Variants in CELF2 observed in about 807,000 individuals in gnomAD.
CELF2 encodes the protein CUGBP Elav-like family member 2, also known as CUG triplet repeat RNA-binding protein 2.
A neutral mutation model predicts 62.6 loss-of-function variants in CELF2; 8 were observed. That is an observed-to-expected ratio of 0.13 (90% confidence interval 0.07 to 0.23). The LOEUF (loss-of-function observed/expected upper bound fraction) is 0.23. Among genes scored for constraint, CELF2 ranks in the 10% least tolerant of loss-of-function variants. CELF2 has a pLI of 1.00. For synonymous variants in CELF2, 258 were observed against 250.0 expected, an observed-to-expected ratio of 1.03 and a Z score of -0.30; for missense variants, 333 against 671.0, an observed-to-expected ratio of 0.50 and a Z score of 5.56.
the CELF2 span, among the ~76,000 whole-genome samples, chr10:10,531,589 A>C: frequency 6.6e-6 from 1 of 152,056 alleles, no homozygotes; most frequent in African/African-American, 2.4e-5. Context: ...TCCCACACTG[A>C]GCCGCTCTAC....
At chr10:10,636,511 A>G in the CELF2 span, among the ~76,000 whole-genome samples, 1 of 152,318 alleles carries the variant, frequency 6.6e-6, no homozygotes, top group South Asian at 2.1e-4. Context: ...GAGCTACATC[A>G]CAATAATTGT....
chr10:10,704,521 A>G, the CELF2 span, among the ~76,000 whole-genome samples: 1 of 152,232 alleles, frequency 6.6e-6, no homozygotes, highest in Admixed American at 6.5e-5. Flanking sequence ...GAAATAGTGA[A>G]CAATAATATA....
Position 11,318,583 on chromosome 10 carries a change from T to TCTCG in CELF2, c.1097-2606_1097-2605insCTCG. On this transcript the variant is annotated intron_variant, in intron 10 of 12. Transcript: ENST00000633077. This position sits in a 1 kb window ranked among gnomAD's most constrained non-coding sequence, Gnocchi z 5.4. ...GTGAAGTGGAGCCAGGAGAGAAGGA[T>TCTCG]GTGGCTGGAATGTCACTGGCTGGAG... 8.1e-6 allele frequency: 3 copies of TCTCG among 371,418 alleles called. No homozygotes were observed. Among genetic ancestry groups the TCTCG allele is most frequent in the East Asian group, 7.4e-5 (1 of 13,580 alleles). 23.0% of individuals were successfully genotyped at this position (371,418 alleles called of 1,614,324 possible). A position where few individuals can be genotyped will look rare whatever the true frequency, so the allele number is the denominator to read the frequency against.
At position 11,247,787 on chromosome 10, in the gene CELF2, G is replaced by A. The variant is rs1391212271; in HGVS notation, c.355-1366G>A. 6.6e-6 allele frequency among the ~76,000 whole-genome samples: 1 copy of A among 152,160 alleles called. No homozygotes were observed. Among genetic ancestry groups the A allele is most frequent in the East Asian group, 1.9e-4 (1 of 5,200 alleles). ...CAAAGACTCTGCCCATCTCCCCCAGGCATGTTGCTGGTCCTTCTCTCCATT... is the reference window on the plus strand; with the variant it reads ...CAAAGACTCTGCCCATCTCCCCCAGACATGTTGCTGGTCCTTCTCTCCATT... On this transcript the variant is annotated intron_variant, in intron 3 of 12. Transcript: ENST00000633077. This position sits in a 1 kb window ranked among gnomAD's most constrained non-coding sequence, Gnocchi z 5.4.
At chr10:10,795,589 A>G (rs750123110), upstream of CELF2, among the ~76,000 whole-genome samples, 2 of 152,162 alleles carry the variant, frequency 1.3e-5, no homozygotes, top group Non-Finnish European at 2.9e-5. Context: ...AATTGTCTTG[A>G]TGGCCTATTT....
chr10:11,308,950 A>G (rs953745084), intron 9 of CELF2, among the ~76,000 whole-genome samples: 4 of 152,258 alleles, frequency 2.6e-5, no homozygotes, highest in Non-Finnish European at 5.9e-5. Context: ...GTAAAATGCA[A>G]AAAAGAATTT....
At chr10:11,031,101 A>G (rs1463708060) in intron 1 of CELF2, among the ~76,000 whole-genome samples, 1 of 152,176 alleles carries the variant, frequency 6.6e-6, no homozygotes, top group Non-Finnish European at 1.5e-5. Flanking sequence ...GACTTAGACG[A>G]ATGCTTGGCC....
chr10:10,620,029 A>C, the CELF2 span, among the ~76,000 whole-genome samples: 1 of 152,174 alleles, frequency 6.6e-6, no homozygotes, highest in Non-Finnish European at 1.5e-5. Context: ...GGTATATTGC[A>C]TAAGCTTCTC....
chr10:10,696,967 T>C, the CELF2 span, among the ~76,000 whole-genome samples: 1 of 152,204 alleles, frequency 6.6e-6, no homozygotes, highest in Non-Finnish European at 1.5e-5. Flanking sequence ...CTGGGAGCTG[T>C]AGAGGGGAGC....
At chr10:11,266,955 G>A (rs1419330640) in intron 6 of CELF2, among the ~76,000 whole-genome samples, 1 of 152,178 alleles carries the variant, frequency 6.6e-6, no homozygotes, top group Non-Finnish European at 1.5e-5. Flanking sequence ...GTCCTGTGAT[G>A]TAAAGTCGTG....
the CELF2 span, among the ~76,000 whole-genome samples, chr10:10,484,156 CCT>C: frequency 4.2e-4 from 3 of 7,076 alleles, no homozygotes; most frequent in East Asian, 0.018. Flanking sequence ...CCTCCCCCCT[CCT>C]CTCTCTCTCC....
chr10:10,666,861 CAAAAAAAAAAAA>C, the CELF2 span, among the ~76,000 whole-genome samples: 181 of 25,222 alleles, frequency 7.2e-3, 31 homozygotes, highest in Admixed American at 0.013. Context: ...GACTCCGTCT[CAAAAAAAAAAAA>C]AAAAAAGAAA....
intron 3 of CELF2, among the ~76,000 whole-genome samples, chr10:11,241,822 G>T (rs1481425259): frequency 6.6e-6 from 1 of 152,162 alleles, no homozygotes. Context: ...GGGGCATGCT[G>T]TCTTTCATTT....
chr10:10,910,654 C>T (rs1288396739), intron 1 of CELF2, among the ~76,000 whole-genome samples: 1 of 131,946 alleles, frequency 7.6e-6, no homozygotes. Flanking sequence ...GAGCCGAGAT[C>T]GTGCCACTGC....
chr10:10,833,327 T>A (rs958478988), intron 1 of CELF2, among the ~76,000 whole-genome samples: 9 of 152,200 alleles, frequency 5.9e-5, no homozygotes, highest in African/African-American at 2.2e-4. Flanking sequence ...GATTTGGGAA[T>A]GTACCTGGTA....
rs933298092 is a variant in CELF2 at position 11,214,989 on chromosome 10, C to T, written c.272-2436C>T. ...CTGCCATCCCACCCTGCTTAGATAC[C>T]AGCTTCAATCTGTCCGTTTCTGAAA... On this transcript the variant is annotated intron_variant, in intron 2 of 12. Transcript: ENST00000633077. This position sits in a 1 kb window ranked among gnomAD's most constrained non-coding sequence, Gnocchi z 4.2. Among the ~76,000 whole-genome samples, 1 of 152,136 alleles carries T rather than the reference C, an allele frequency of 6.6e-6. No individual in the cohort carries two copies.
Position 11,314,064 on chromosome 10 carries a change from A to G in CELF2, c.977-75A>G. On this transcript the variant is annotated intron_variant, in intron 9 of 12. Coordinates refer to ENST00000633077, the MANE Select transcript of CELF2 (RefSeq NM_001326342.2). This position sits in a 1 kb window ranked among gnomAD's most constrained non-coding sequence, Gnocchi z 5.3. ...CTCAGCTCCGTCCACTGAGATGATGACAGAAGGATTTCCAGTCTCGGCTCT... is the reference window on the plus strand; with the variant it reads ...CTCAGCTCCGTCCACTGAGATGATGGCAGAAGGATTTCCAGTCTCGGCTCT... 5 of 1,451,188 alleles carry G rather than the reference A, an allele frequency of 3.4e-6. No individual in the cohort carries two copies. Among genetic ancestry groups the G allele is most frequent in the Non-Finnish European group, 4.8e-6 (5 of 1,051,254 alleles). 89.9% of individuals were successfully genotyped at this position (1,451,188 alleles called of 1,614,324 possible).
chr10:10,615,063 G>T, the CELF2 span, among the ~76,000 whole-genome samples: 1 of 152,120 alleles, frequency 6.6e-6, no homozygotes, highest in East Asian at 1.9e-4. Flanking sequence ...CCTGGGAGCC[G>T]TCTTCCCATC....
the CELF2 span, among the ~76,000 whole-genome samples, chr10:10,614,989 T>A: frequency 1.3e-5 from 2 of 152,218 alleles, no homozygotes; most frequent in South Asian, 4.1e-4. Context: ...AAGAGCATGA[T>A]GGTATCCATG....
Sources: allele counts gnomAD v4.1 joint callset (sites outside exome capture counted in the v4.1 genomes callset), GRCh38; gene constraint gnomAD v4.1.1; non-coding constraint Gnocchi (gnomAD v3.1); transcripts MANE v1.5; gene names NCBI Gene and HGNC (gene_info 2026-07-23, HGNC 2026-07-21).